KCNA2: variants seen among roughly 807,000 people sequenced by gnomAD.
The protein encoded by KCNA2 is potassium voltage-gated channel subfamily A member 2.
KCNA2 carries 11 observed loss-of-function variants against 33.4 expected under a neutral mutation model. That is an observed-to-expected ratio of 0.33 (90% CI 0.21 to 0.55). The LOEUF (loss-of-function observed/expected upper bound fraction) is 0.55. KCNA2 is among the 20% of genes least tolerant of loss of function. KCNA2 has a pLI of 0.93. For synonymous variants in KCNA2, 222 were observed against 231.3 expected (o/e 0.96, Z 0.37); for missense variants, 291 against 621.6 (o/e 0.47, Z 5.66).
intron 1 of KCNA2, among the ~76,000 whole-genome samples, chr1:110,620,075 AGAGAGAGAGAGAGTGAGT>A (rs1429728442): frequency 1.4e-4 from 20 of 145,138 alleles, no homozygotes; most frequent in African/African-American, 4.1e-4. Flanking sequence ...AGAGAGAGAG[AGAGAGAGAGAGAGTGAGT>A]GAGAGAGAGA....
chr1:110,601,998 G>C lies in KCNA2; in HGVS notation c.*1285C>G. 1.3e-6 allele frequency: 2 copies of C among 1,539,828 alleles called. No homozygotes were observed. Among genetic ancestry groups the C allele is most frequent in the East Asian group, 2.5e-5 (1 of 40,670 alleles). ...AGGAACGCGTGAAAGAGAGATACTC[G>C]ATATATATTTATATACACTGGATCC... On this transcript the variant is annotated 3_prime_UTR_variant, in exon 3 of 3. Transcript: ENST00000316361.
Position 110,602,085 on chromosome 1 carries a change from A to G in KCNA2, c.*1198T>C. ...CCACTGTACAGTCATGCCCGCGACT[A>G]GGTTAATTCCTAAGGTGCAGTCATG... On this transcript the variant is annotated 3_prime_UTR_variant, in exon 3 of 3. Coordinates refer to ENST00000316361, the MANE Select transcript of KCNA2 (RefSeq NM_004974.4). 6.4e-7 allele frequency: 1 copy of G among 1,550,514 alleles called. No homozygotes were observed. Among genetic ancestry groups the G allele is most frequent in the Non-Finnish European group, 8.7e-7 (1 of 1,146,976 alleles).
At chr1:110,629,222 C>A (rs1650483333) in intron 1 of KCNA2, among the ~76,000 whole-genome samples, 1 of 152,128 alleles carries the variant, frequency 6.6e-6, no homozygotes, top group Non-Finnish European at 1.5e-5. Context: ...CAATTACCAC[C>A]AAATCACCAA....
At position 110,594,802 on chromosome 1, in the gene KCNA2, C is replaced by G. The variant is rs970945144; in HGVS notation, c.*8481G>C. The G allele has an allele frequency of 2.0e-6, 2 of 985,420 alleles. No homozygotes were observed. Among genetic ancestry groups the G allele is most frequent in the African/African-American group, 3.5e-5 (2 of 57,204 alleles). The allele number at this position is 985,420 out of a possible 1,614,324, so 61.0% of individuals were successfully genotyped here. On this transcript the variant is annotated 3_prime_UTR_variant, in exon 3 of 3. Transcript: ENST00000316361. Reference sequence around the variant, plus strand: ...AGGCCTCTCTTCTTGCTTTTCTATCCCATTTCTTAGCCTGGAGCTGATGTG... The same window carrying G: ...AGGCCTCTCTTCTTGCTTTTCTATCGCATTTCTTAGCCTGGAGCTGATGTG...
intron 1 of KCNA2, among the ~76,000 whole-genome samples, chr1:110,616,563 G>A (rs1650073742): frequency 6.6e-6 from 1 of 152,218 alleles, no homozygotes; most frequent in Admixed American, 6.5e-5. Flanking sequence ...AAAAACAACA[G>A]AGCCTGGGAA....
intron 1 of KCNA2, among the ~76,000 whole-genome samples, chr1:110,631,236 C>G (rs571715181): frequency 7.3e-4 from 111 of 152,302 alleles, no homozygotes; most frequent in African/African-American, 2.6e-3. Context: ...CCTTGTCTGG[C>G]CCTTGAGGTG....
intron 1 of KCNA2, among the ~76,000 whole-genome samples, chr1:110,612,778 G>A (rs905383072): frequency 6.6e-6 from 1 of 152,200 alleles, no homozygotes; most frequent in South Asian, 2.1e-4. Context: ...ATGATCTGAT[G>A]TTCCCCTGTC....
chr1:110,604,714 A>G lies in KCNA2; in HGVS notation c.69T>C (p.Tyr23=), dbSNP rs766154826. The change falls in exon 3 of 3, where the codon TAT becomes TAC. Residue 23 remains tyrosine (Y), a synonymous_variant. Coordinates refer to ENST00000316361, the MANE Select transcript of KCNA2 (RefSeq NM_004974.4). This position sits in a 1 kb window ranked among gnomAD's most constrained non-coding sequence, Gnocchi z 7.6. ...AGCACTCGTGGTCTGCCTCTGGGTC[A>G]TAGGTGTCCTGTGGGTGCCCAGGGA... The part of the protein sequence containing the change: ...AALPGHPQDT[Y]DPEADHECCE... The G allele has an allele frequency of 6.2e-7, 1 of 1,614,148 alleles. No individual in the cohort carries two copies.
At chr1:110,619,946 C>A (rs546492814) in intron 1 of KCNA2, among the ~76,000 whole-genome samples, 1 of 152,034 alleles carries the variant, frequency 6.6e-6, no homozygotes, top group Non-Finnish European at 1.5e-5. Flanking sequence ...ACTTAACGTC[C>A]TAGGAGACCA....
At chr1:110,623,689 C>T (rs924898275) in intron 1 of KCNA2, among the ~76,000 whole-genome samples, 1 of 152,200 alleles carries the variant, frequency 6.6e-6, no homozygotes, top group Non-Finnish European at 1.5e-5. Context: ...GCCACTGCAC[C>T]TGGCCCTCTC....
Position 110,601,673 on chromosome 1 carries a change from A to G in KCNA2, c.*1610T>C. 1 of 1,070,962 alleles carries G rather than the reference A, an allele frequency of 9.3e-7. No individual in the cohort carries two copies. The highest frequency in any genetic ancestry group is 1.1e-6 in the Non-Finnish European group (1 of 886,732). The allele number at this position is 1,070,962 out of a possible 1,614,324, so 66.3% of individuals were successfully genotyped here. ...TGTCTGAGGCAATGGCAGCAAACCC[A>G]GGCCCAGTGGGGTTACCAATGAGAC... On this transcript the variant is annotated 3_prime_UTR_variant, in exon 3 of 3. Coordinates refer to ENST00000316361, the MANE Select transcript of KCNA2 (RefSeq NM_004974.4).
chr1:110,608,800 G>A (rs1277700187), upstream of KCNA2, among the ~76,000 whole-genome samples: 2 of 152,184 alleles, frequency 1.3e-5, no homozygotes, highest in Non-Finnish European at 2.9e-5. Context: ...ACTTCTCTGG[G>A]CACCAGTGCC....
chr1:110,609,226 A>C (rs1649789993), upstream of KCNA2, among the ~76,000 whole-genome samples: 1 of 152,318 alleles, frequency 6.6e-6, no homozygotes, highest in African/African-American at 2.4e-5. Context: ...CAGATACTCT[A>C]TCCATCTGAT....
rs553862585 is a variant in KCNA2, at chr1:110,621,009, G to C, written c.-496+10386C>G. 1.7e-4 allele frequency among the ~76,000 whole-genome samples: 26 copies of C among 152,332 alleles called. 1 individual carries two copies. Among genetic ancestry groups the C allele is most frequent in the South Asian group, 1.0e-3 (5 of 4,824 alleles). On this transcript the variant is annotated intron_variant, in intron 1 of 4. Transcript: ENST00000369770. ...TTGACATTCTGTTTTGCCTGGGCAG[G>C]CTTGTCACATGTAATAGTGTGACTT...
chr1:110,617,188 C>A (rs1650094197), intron 1 of KCNA2, among the ~76,000 whole-genome samples: 2 of 152,170 alleles, frequency 1.3e-5, no homozygotes. Flanking sequence ...CTCTCCTGTA[C>A]CCCCAGTGCC....
Position 110,599,245 on chromosome 1 carries a change from T to C in KCNA2, c.*4038A>G. ...TGCTAAAATGCACTCAGCTCTCAGC[T>C]AGTCCTACTTAGGGGAAGAACCAGC... On this transcript the variant is annotated 3_prime_UTR_variant, in exon 3 of 3. Transcript: ENST00000316361. 1 of 985,290 alleles carries C rather than the reference T, an allele frequency of 1.0e-6. No individual in the cohort carries two copies. The highest frequency in any genetic ancestry group is 1.2e-6 in the Non-Finnish European group (1 of 829,766). 61.0% of individuals were successfully genotyped at this position (985,290 alleles called of 1,614,324 possible).
rs964135665 is a variant in KCNA2 at position 110,593,976 on chromosome 1, A to G, written c.*9307T>C. ...AATAGTTAAATGACTCCCAACTCCC[A>G]TGAGTCTTCCCCGCAAGTCCTGCTC... is the stretch of plus-strand genomic sequence containing the variant. On this transcript the variant is annotated 3_prime_UTR_variant, in exon 3 of 3. Transcript: ENST00000316361. 4 of 1,548,524 alleles carry G rather than the reference A, an allele frequency of 2.6e-6. No homozygotes were observed. In the African/African-American group the frequency reaches 5.5e-5, roughly 21 times the overall value.
At chr1:110,619,892 ACTC>A (rs145657191) in intron 1 of KCNA2, among the ~76,000 whole-genome samples, 1,526 of 151,636 alleles carry the variant, frequency 0.01, 32 homozygotes, top group African/African-American at 0.035. Context: ...TGCCTGACAA[ACTC>A]CTCAGCCCTC....
chr1:110,607,374 C>T (rs1387154313), upstream of KCNA2: 1 of 150,884 alleles, frequency 6.6e-6, no homozygotes, highest in Non-Finnish European at 1.5e-5. Context: ...GTCCCGCGGG[C>T]GGCGCGTACG....
Sources: gnomAD v4.1 joint callset for allele counts (sites outside exome capture counted in the v4.1 genomes callset) on GRCh38, gnomAD v4.1.1 for gene constraint, Gnocchi (gnomAD v3.1) non-coding constraint, MANE v1.5 for transcripts, NCBI Gene and HGNC (gene_info 2026-07-23, HGNC 2026-07-21) for gene names.